Variants in OR2V1 observed in about 807,000 individuals in gnomAD.
The protein encoded by OR2V1 is olfactory receptor family 2 subfamily V member 1.
OR2V1 carries 18 observed loss-of-function variants against 15.0 expected under a neutral mutation model. That is an observed-to-expected ratio of 1.20 (90% CI 0.83 to 1.78). The LOEUF (loss-of-function observed/expected upper bound fraction) is 1.78. Ranked by LOEUF, OR2V1 falls within the 40% of genes most tolerant of loss-of-function variation. OR2V1 has a pLI of 0.00. For missense variants in OR2V1, 359 were observed against 392.9 expected, an observed-to-expected ratio of 0.91 and a Z score of 0.73; for synonymous variants, 144 against 146.1, an observed-to-expected ratio of 0.99 and a Z score of 0.10.
chr5:181,129,815 A>T (rs1762937096), intron 2 of OR2V1, among the ~76,000 whole-genome samples: 1 of 150,992 alleles, frequency 6.6e-6, no homozygotes, highest in South Asian at 2.1e-4. Context: ...TCACCTTCGC[A>T]CTCCCCACAC....
intron 3 of OR2V1, among the ~76,000 whole-genome samples, chr5:181,128,898 T>A (rs568605328): frequency 6.6e-6 from 1 of 152,250 alleles, no homozygotes; most frequent in East Asian, 1.9e-4. Context: ...GTCTGGCACA[T>A]CTGTTATGAG....
At position 181,124,440 on chromosome 5, in the gene OR2V1, G is replaced by A; in HGVS notation, c.865C>T (p.Leu289Phe). The A allele has an allele frequency of 1.9e-6, 3 of 1,613,858 alleles. No homozygotes were observed. Among genetic ancestry groups the A allele is most frequent in the Non-Finnish European group, 2.5e-6 (3 of 1,179,918 alleles). Residue 289 changes from leucine (L) to phenylalanine (F), a missense_variant, in exon 4 of 4, where the codon CTC (leucine) becomes TTC (phenylalanine). Physicochemically the swap from Leu to Phe is conservative, Grantham distance 22. Transcript: ENST00000641551. ...YTVLTPMLNP[L>F]IYSLRNGEVM... ...TCCCCATTCCTCAAGCTGTAAATGA[G>A]GGGGTTCAGCATGGGAGTAAGGACT...
chr5:181,131,151 G>C lies in OR2V1; in HGVS notation c.-222C>G, dbSNP rs1762957153. Reference sequence around the variant, plus strand: ...TGTCTTCGTGGGCTGCTGGGGATGGGGCTGAAGTCCACGGTTCTGATGCTG... The same window carrying C: ...TGTCTTCGTGGGCTGCTGGGGATGGCGCTGAAGTCCACGGTTCTGATGCTG... On this transcript the variant is annotated 5_prime_UTR_variant, in exon 1 of 4. Transcript: ENST00000641551. 1 of 152,294 alleles carries C rather than the reference G, an allele frequency of 6.6e-6. No homozygotes were observed. Among genetic ancestry groups the C allele is most frequent in the Non-Finnish European group, 1.5e-5 (1 of 68,096 alleles). The allele number at this position is 152,294 out of a possible 1,614,324, so 9.4% of individuals were successfully genotyped here. A position where few individuals can be genotyped will look rare whatever the true frequency, so the allele number is the denominator to read the frequency against.
chr5:181,130,063 A>G, intron 2 of OR2V1, 110 bp downstream of exon 2: 1 of 398,174 alleles, frequency 2.5e-6, no homozygotes, highest in Non-Finnish European at 4.4e-6. Context: ...GGCAGACAGC[A>G]GGAGGAAGAG....
At chr5:181,129,868 G>A (rs1221920381) in intron 2 of OR2V1, among the ~76,000 whole-genome samples, 1 of 152,144 alleles carries the variant, frequency 6.6e-6, no homozygotes, top group African/African-American at 2.4e-5. Flanking sequence ...TCCACCCCAG[G>A]GACCTAGAGC....
At chr5:181,127,122 G>C (rs576188365) in intron 3 of OR2V1, among the ~76,000 whole-genome samples, 2 of 152,296 alleles carry the variant, frequency 1.3e-5, no homozygotes, top group African/African-American at 4.8e-5. Flanking sequence ...ACACCCACAG[G>C]CTCCCGTATT....
intron 3 of OR2V1, 148 bp from the exon 4 acceptor site, chr5:181,125,473 T>C (rs1762861986): frequency 7.9e-6 from 5 of 631,480 alleles, no homozygotes; most frequent in Admixed American, 2.9e-5. Context: ...AGCTCTGGAA[T>C]TGGACTACAC....
intron 2 of OR2V1, among the ~76,000 whole-genome samples, 196 bp from the exon 3 acceptor site, chr5:181,129,771 C>A (rs547089234): frequency 6.6e-6 from 1 of 152,308 alleles, no homozygotes; most frequent in African/African-American, 2.4e-5. Flanking sequence ...ACGGGAGGAC[C>A]CCGTCCCACA....
In OR2V1 at chr5:181,124,622, C is replaced by CG; in HGVS notation, c.682dup (p.Arg228ProfsTer37). 1 of 1,613,640 alleles carries CG rather than the reference C, an allele frequency of 6.2e-7. No homozygotes were observed. The highest frequency in any genetic ancestry group is 8.5e-7 in the Non-Finnish European group (1 of 1,179,880). ...TTTCCAGGCCTGAGCAGAGCGTATT[C>CG]GGAGCACAGCCCCTAGGATGCAAGC... On this transcript the variant is annotated frameshift_variant, in exon 4 of 4. Transcript: ENST00000641551. LOFTEE classifies it high-confidence loss of function.
intron 3 of OR2V1, 107 bp from the exon 4 acceptor site, chr5:181,125,432 T>C: frequency 1.3e-6 from 1 of 793,940 alleles, no homozygotes; most frequent in South Asian, 1.8e-5. Flanking sequence ...GACACTCGTA[T>C]TCCTGTGACA....
chr5:181,128,248 G>A (rs925421995), intron 3 of OR2V1, among the ~76,000 whole-genome samples: 11 of 151,392 alleles, frequency 7.3e-5, no homozygotes, highest in African/African-American at 2.7e-4. Context: ...ACCCCTGCTG[G>A]CTCCCCTTGC....
chr5:181,128,664 ACCT>A (rs1762919106), intron 3 of OR2V1, among the ~76,000 whole-genome samples: 1 of 151,546 alleles, frequency 6.6e-6, no homozygotes. Flanking sequence ...TTGCTCCCTC[ACCT>A]CCTCCTCGCC....
chr5:181,124,713 T>A lies in OR2V1; in HGVS notation c.592A>T (p.Thr198Ser). 1 of 1,609,976 alleles carries A rather than the reference T, an allele frequency of 6.2e-7. No individual in the cohort carries two copies. The highest frequency in any genetic ancestry group is 8.5e-7 in the Non-Finnish European group (1 of 1,179,536). ...AAGACACAGCAAGCAAAGAGGAGGGTGTCAAAAAGGGAAGTGTCTGCACAG... is the reference window on the plus strand; with the variant it reads ...AAGACACAGCAAGCAAAGAGGAGGGAGTCAAAAAGGGAAGTGTCTGCACAG... ...LACADTSLFD[T>S]LLFACCVFML... Residue 198 changes from threonine (T) to serine (S), a missense_variant, in exon 4 of 4, where the codon ACC (threonine) becomes TCC (serine). By Grantham distance (58) the Thr-to-Ser change is moderately conservative. Transcript: ENST00000641551.
intron 1 of OR2V1, chr5:181,130,435 C>T (rs1311831517): frequency 7.7e-6 from 3 of 391,144 alleles, no homozygotes; most frequent in African/African-American, 6.2e-5. Context: ...GAGGGAGAAA[C>T]AGGCTCAGGG....
At chr5:181,128,047 G>T (rs1157092877) in intron 3 of OR2V1, among the ~76,000 whole-genome samples, 1 of 151,992 alleles carries the variant, frequency 6.6e-6, no homozygotes, top group African/African-American at 2.4e-5. Flanking sequence ...TGTGTCACGG[G>T]CTTGTTCCAC....
rs758000400 is a variant in OR2V1, at chr5:181,124,600, C to T, written c.705G>A (p.Trp235Ter). 4.5e-5 allele frequency: 73 copies of T among 1,613,068 alleles called. No individual in the cohort carries two copies. The Admixed American group carries it at 1.2e-3, about 27-fold the overall frequency. The change falls in exon 4 of 4, where the codon TGG (tryptophan) becomes TGA (stop). Residue 235 changes from tryptophan (W) to a stop codon, truncating the protein, a stop_gained. Coordinates refer to ENST00000641551, the MANE Select transcript of OR2V1 (RefSeq NM_001258283.2). LOFTEE classifies it high-confidence loss of function. ...AGGAGCAGGTGGCCAGGGCTTTTTT[C>T]CAGGCCTGAGCAGAGCGTATTCGGA... ...AVLRIRSAQA[W>*]KKALATCSSH...
chr5:181,126,067 G>C (rs185673605), intron 3 of OR2V1, among the ~76,000 whole-genome samples: 2 of 152,228 alleles, frequency 1.3e-5, no homozygotes, highest in African/African-American at 4.8e-5. Context: ...CAAAAATCCT[G>C]GGACCATTTT....
chr5:181,129,878 C>G (rs1053554458), intron 2 of OR2V1, among the ~76,000 whole-genome samples: 1 of 152,144 alleles, frequency 6.6e-6, no homozygotes, highest in African/African-American at 2.4e-5. Flanking sequence ...GGACCTAGAG[C>G]CCAGTCTCCA....
At chr5:181,129,002 A>G (rs144108911) in intron 3 of OR2V1, among the ~76,000 whole-genome samples, 2,589 of 152,320 alleles carry the variant, frequency 0.017, 67 homozygotes, top group African/African-American at 0.059. Flanking sequence ...CTGAGGCAGA[A>G]GGATAGCTCG....
Sources: allele counts gnomAD v4.1 joint callset (sites outside exome capture counted in the v4.1 genomes callset), GRCh38; gene constraint gnomAD v4.1.1; transcripts MANE v1.5; gene names NCBI Gene and HGNC (gene_info 2026-07-23, HGNC 2026-07-21).